The following FGF18 variants were observed in gnomAD, a reference collection of about 807,000 sequenced individuals.
FGF18 encodes the protein fibroblast growth factor 18.
In FGF18, 5 loss-of-function variants were observed where a neutral mutation model predicts 23.0. That is an observed-to-expected ratio of 0.22 (90% CI 0.11 to 0.46). The LOEUF (loss-of-function observed/expected upper bound fraction) is 0.46. FGF18 is among the 20% of genes least tolerant of loss of function. FGF18 has a pLI of 0.99. For missense variants in FGF18, 180 were observed against 291.6 expected, an observed-to-expected ratio of 0.62 and a Z score of 2.79; for synonymous variants, 117 against 118.9, an observed-to-expected ratio of 0.98 and a Z score of 0.10.
At chr5:171,437,244 G>A (rs1045651762) in intron 3 of FGF18, among the ~76,000 whole-genome samples, 2 of 152,192 alleles carry the variant, frequency 1.3e-5, no homozygotes, top group Non-Finnish European at 1.5e-5. Flanking sequence ...AACCCTGCCC[G>A]TTGCAGTCAG....
At chr5:171,431,001 G>A (rs991249237) in intron 2 of FGF18, among the ~76,000 whole-genome samples, 2 of 152,144 alleles carry the variant, frequency 1.3e-5, no homozygotes, top group Non-Finnish European at 2.9e-5. Flanking sequence ...TGCGTGTGTG[G>A]TGTGTGTACA....
In FGF18 at chr5:171,451,641, C is replaced by A. The variant is rs907311917; in HGVS notation, c.357+2388C>A. Among the ~76,000 whole-genome samples the A allele has an allele frequency of 6.6e-6, 1 of 152,138 alleles. No individual in the cohort carries two copies. The highest frequency in any genetic ancestry group is 1.5e-5 in the Non-Finnish European group (1 of 68,010). On this transcript the variant is annotated intron_variant, in intron 4 of 4. Coordinates refer to ENST00000274625, the MANE Select transcript of FGF18 (RefSeq NM_003862.3). This position sits in a 1 kb window ranked among gnomAD's most constrained non-coding sequence, Gnocchi z 4.5. Reference sequence around the variant, plus strand: ...AGGGCGGCACATGACCTGCCCTCCACCCCCACCCAGCTCCAAACCCATCCA... The same window carrying A: ...AGGGCGGCACATGACCTGCCCTCCAACCCCACCCAGCTCCAAACCCATCCA...
intron 3 of FGF18, among the ~76,000 whole-genome samples, chr5:171,447,029 T>G (rs1437097243): frequency 6.6e-6 from 1 of 152,236 alleles, no homozygotes; most frequent in Non-Finnish European, 1.5e-5. Context: ...GTTTGGTTTT[T>G]GCAGTTTGTA....
chr5:171,445,276 T>G lies in FGF18; in HGVS notation c.251-3871T>G, dbSNP rs1445625064. 2.6e-5 allele frequency among the ~76,000 whole-genome samples: 4 copies of G among 152,122 alleles called. No individual in the cohort carries two copies. The East Asian group carries it at 7.7e-4, about 29-fold the overall frequency. ...GCTGTGTGCCCTTTGCGGGTCCCATTGAAGAGTTTACATGTTCTTCTATGT... is the reference window on the plus strand; with the variant it reads ...GCTGTGTGCCCTTTGCGGGTCCCATGGAAGAGTTTACATGTTCTTCTATGT... On this transcript the variant is annotated intron_variant, in intron 3 of 4. Coordinates refer to ENST00000274625, the MANE Select transcript of FGF18 (RefSeq NM_003862.3).
chr5:171,456,534 T>C lies in FGF18; in HGVS notation c.358-5T>C. 1 of 1,611,236 alleles carries C rather than the reference T, an allele frequency of 6.2e-7. No homozygotes were observed. The highest frequency in any genetic ancestry group is 8.5e-7 in the Non-Finnish European group (1 of 1,177,766). On this transcript the variant is annotated splice_region_variant and splice_polypyrimidine_tract_variant and intron_variant, in intron 4 of 4. Coordinates refer to ENST00000274625, the MANE Select transcript of FGF18 (RefSeq NM_003862.3). The surrounding 1 kb of genome is among the most constrained non-coding windows in gnomAD (Gnocchi z 6.1). ...TCTTGAACACTCCCCCTCTCTCCCC[T>C]GCAGCCCGATGGCACCAGCAAGGAG...
At chr5:171,441,729 C>T (rs1177755005) in intron 3 of FGF18, among the ~76,000 whole-genome samples, 1 of 152,234 alleles carries the variant, frequency 6.6e-6, no homozygotes, top group African/African-American at 2.4e-5. Flanking sequence ...CCCCAGTACA[C>T]AGGGCCAACC....
rs370870737 is a variant in FGF18 at position 171,425,821 on chromosome 5, C to T, written c.69+5378C>T. ...CTGGGATTACTGGCATGAGCCACTG[C>T]GCCTGGCCAGCCATGTGCTTTTGCA... On this transcript the variant is annotated intron_variant, in intron 2 of 4. Transcript: ENST00000274625. Among the ~76,000 whole-genome samples the T allele has an allele frequency of 8.5e-5, 13 of 152,334 alleles. No individual in the cohort carries two copies. The South Asian group carries it at 2.1e-3, about 24-fold the overall frequency.
chr5:171,442,538 G>A (rs1293471100), intron 3 of FGF18, among the ~76,000 whole-genome samples: 6 of 152,188 alleles, frequency 3.9e-5, no homozygotes, highest in Non-Finnish European at 8.8e-5. Context: ...CCAGATCGGA[G>A]GCCCAGCCCC....
intron 3 of FGF18, among the ~76,000 whole-genome samples, chr5:171,438,702 A>T (rs773503811): frequency 7.9e-5 from 12 of 151,940 alleles, no homozygotes; most frequent in Non-Finnish European, 1.8e-4. Flanking sequence ...TTTAAATGCC[A>T]CATTAGAAAC....
At chr5:171,420,494 C>T (rs776884559) in intron 2 of FGF18, 51 bp downstream of exon 2, 4 of 1,559,440 alleles carry the variant, frequency 2.6e-6, no homozygotes, top group East Asian at 2.2e-5. Flanking sequence ...TCGCGGTACA[C>T]GCCGACCCCC....
chr5:171,448,260 G>T (rs1772446731), intron 3 of FGF18, among the ~76,000 whole-genome samples: 1 of 152,162 alleles, frequency 6.6e-6, no homozygotes, highest in Non-Finnish European at 1.5e-5. Context: ...GTGGGGATCC[G>T]GTCCTGATTG....
At chr5:171,442,224 G>A (rs940636816) in intron 3 of FGF18, among the ~76,000 whole-genome samples, 2 of 152,184 alleles carry the variant, frequency 1.3e-5, no homozygotes, top group African/African-American at 2.4e-5. Flanking sequence ...TATGGAGAAA[G>A]GTCTTTGAGA....
chr5:171,443,722 A>G (rs748206626), intron 3 of FGF18, among the ~76,000 whole-genome samples: 5 of 151,218 alleles, frequency 3.3e-5, no homozygotes, highest in African/African-American at 4.9e-5. Context: ...TTTTTTGTAG[A>G]AAGAGTTTTG....
At chr5:171,431,705 C>G (rs1387801896) in intron 2 of FGF18, among the ~76,000 whole-genome samples, 1 of 152,148 alleles carries the variant, frequency 6.6e-6, no homozygotes, top group African/African-American at 2.4e-5. Context: ...GGTGGAGTGA[C>G]AAAAGGCACC....
chr5:171,454,303 T>C (rs1772553929), intron 4 of FGF18, among the ~76,000 whole-genome samples: 1 of 152,160 alleles, frequency 6.6e-6, no homozygotes, highest in Non-Finnish European at 1.5e-5. Context: ...CATCATGGTG[T>C]AGCCTTTGTT....
At chr5:171,422,482 G>C (rs1475833345) in intron 2 of FGF18, among the ~76,000 whole-genome samples, 1 of 152,138 alleles carries the variant, frequency 6.6e-6, no homozygotes, top group Admixed American at 6.5e-5. Context: ...GCACAAAAAT[G>C]GTGCTCAAAT....
chr5:171,429,979 A>T (rs974865463), intron 2 of FGF18, among the ~76,000 whole-genome samples: 9 of 152,252 alleles, frequency 5.9e-5, no homozygotes, highest in African/African-American at 2.2e-4. Context: ...CTGGATTTGC[A>T]TCTTGATTTC....
intron 3 of FGF18, among the ~76,000 whole-genome samples, chr5:171,439,167 C>T (rs1199362889): frequency 6.6e-6 from 1 of 152,198 alleles, no homozygotes; most frequent in Non-Finnish European, 1.5e-5. Context: ...GGTGCCCTGC[C>T]CAGGGCTCTT....
rs984785369 is a variant in FGF18 at position 171,440,780 on chromosome 5, G to A, written c.250+4507G>A. Among the ~76,000 whole-genome samples the A allele has an allele frequency of 4.6e-5, 7 of 152,142 alleles. No individual in the cohort carries two copies. Among genetic ancestry groups the A allele is most frequent in the Admixed American group, 1.3e-4 (2 of 15,282 alleles). On this transcript the variant is annotated intron_variant, in intron 3 of 4. Transcript: ENST00000274625. This position sits in a 1 kb window ranked among gnomAD's most constrained non-coding sequence, Gnocchi z 4.0. ...TTCCAGCTTTACAGGGAGTCAGCAC[G>A]CCCCAGTGCAGATGCTTCTCTGAGC...
Sources: gnomAD v4.1 joint callset for allele counts (sites outside exome capture counted in the v4.1 genomes callset) on GRCh38, gnomAD v4.1.1 for gene constraint, Gnocchi (gnomAD v3.1) non-coding constraint, MANE v1.5 for transcripts, NCBI Gene and HGNC (gene_info 2026-07-23, HGNC 2026-07-21) for gene names.